The following DYNC2H1 variants were observed in gnomAD, a reference collection of about 807,000 sequenced individuals.
DYNC2H1 encodes dynein cytoplasmic 2 heavy chain 1.
A neutral mutation model predicts 570.0 loss-of-function variants in DYNC2H1; 410 were observed. The observed-to-expected ratio is 0.72, with a 90% CI of 0.66 to 0.78. The LOEUF (loss-of-function observed/expected upper bound fraction) is 0.78. Ranked by LOEUF, DYNC2H1 falls within the 30% of genes least tolerant of loss-of-function variation. DYNC2H1 has a pLI of 0.00. For synonymous variants in DYNC2H1, 1,688 were observed against 1,677.6 expected (o/e 1.01, Z -0.15); for missense variants, 4,865 against 5,046.4 (o/e 0.96, Z 1.09).
At chr11:103,428,107 C>T (rs1943737436) in intron 84 of DYNC2H1, among the ~76,000 whole-genome samples, 1 of 151,572 alleles carries the variant, frequency 6.6e-6, no homozygotes, top group Admixed American at 6.6e-5. Context: ...TAGAGTAAAA[C>T]AGCTTGCTAC....
chr11:103,274,999 C>T (rs1306227493), intron 70 of DYNC2H1, among the ~76,000 whole-genome samples: 1 of 151,980 alleles, frequency 6.6e-6, no homozygotes, highest in Non-Finnish European at 1.5e-5. Context: ...GAGGCTGAGG[C>T]GGGAGAATCA....
At chr11:103,329,839 G>C (rs1488800193) in intron 82 of DYNC2H1, among the ~76,000 whole-genome samples, 1 of 152,000 alleles carries the variant, frequency 6.6e-6, no homozygotes, top group Non-Finnish European at 1.5e-5. Flanking sequence ...TGTTTGAGTT[G>C]ATTGAAAAAA....
At position 103,352,973 on chromosome 11, in the gene DYNC2H1, A is replaced by C. The variant is rs141302829; in HGVS notation, c.12040-5270A>C. The stretch of plus-strand genomic sequence containing the variant: ...CATGGAATACTATACAGCCATAAAA[A>C]GAAATGAGATCATGTCCTTTGCAGG... On this transcript the variant is annotated intron_variant, in intron 82 of 88. Transcript: ENST00000375735. Among the ~76,000 whole-genome samples, 583 of 152,352 alleles carry C rather than the reference A, an allele frequency of 3.8e-3. 5 individuals carry two copies. The highest frequency in any genetic ancestry group is 0.013 in the African/African-American group (559 of 41,582).
Position 103,152,124 on chromosome 11 carries a change from T to TTC in DYNC2H1, c.2947-11_2947-10insCT. The stretch of plus-strand genomic sequence containing the variant: ...TTGTTATTCAATTTGTTTTTTTTTT[T>TTC]TTAACCTTTAGATTTTGCCCTTATT... On this transcript the variant is annotated splice_polypyrimidine_tract_variant and intron_variant, in intron 20 of 88. Coordinates refer to ENST00000375735, the MANE Select transcript of DYNC2H1 (RefSeq NM_001377.3). 1 of 1,586,206 alleles carries TTC rather than the reference T, an allele frequency of 6.3e-7. No individual in the cohort carries two copies. Among genetic ancestry groups the TTC allele is most frequent in the South Asian group, 1.2e-5 (1 of 84,574 alleles).
rs997603468 is a variant in DYNC2H1, at chr11:103,334,482, A to G, written c.12039+10492A>G. ...AATTTGGTTTCATTCTAACAATTCCATGTAATGAAGTTTTTTTTAATTACA... is the reference window on the plus strand; with the variant it reads ...AATTTGGTTTCATTCTAACAATTCCGTGTAATGAAGTTTTTTTTAATTACA... On this transcript the variant is annotated intron_variant, in intron 82 of 88. Transcript: ENST00000375735. This position sits in a 1 kb window ranked among gnomAD's most constrained non-coding sequence, Gnocchi z 4.3. Among the ~76,000 whole-genome samples the G allele has an allele frequency of 4.6e-5, 7 of 151,794 alleles. No homozygotes were observed. The highest frequency in any genetic ancestry group is 8.8e-5 in the Non-Finnish European group (6 of 67,982).
At chr11:103,263,648 G>T (rs536555212) in intron 70 of DYNC2H1, among the ~76,000 whole-genome samples, 1 of 152,116 alleles carries the variant, frequency 6.6e-6, no homozygotes, top group African/African-American at 2.4e-5. Context: ...AAATAAATAA[G>T]TTATTTGAAA....
In DYNC2H1 at chr11:103,453,641, T is replaced by TATATAC. The variant is rs1273661728; in HGVS notation, c.12457-1544_12457-1543insTATACA. On this transcript the variant is annotated intron_variant, in intron 85 of 88. Transcript: ENST00000375735. ...ATATATATATATATATATATATATA[T>TATATAC]ACACACATTCATTACTGGCAACAAC... Among the ~76,000 whole-genome samples, 15 of 93,220 alleles carry TATATAC rather than the reference T, an allele frequency of 1.6e-4. 1 individual carries two copies. Among genetic ancestry groups the TATATAC allele is most frequent in the African/African-American group, 5.0e-4 (13 of 26,044 alleles). The allele number at this position is 93,220 out of a possible 152,430, so 61.2% of individuals were successfully genotyped here. A position where few individuals can be genotyped will look rare whatever the true frequency, so the allele number is the denominator to read the frequency against.
intron 21 of DYNC2H1, 77 bp downstream of exon 21, chr11:103,152,362 T>A (rs1213229330): frequency 1.5e-6 from 2 of 1,354,058 alleles, no homozygotes; most frequent in African/African-American, 3.0e-5. Flanking sequence ...TTTATTCCTT[T>A]ATAGCCCAGG....
intron 47 of DYNC2H1, among the ~76,000 whole-genome samples, chr11:103,193,136 A>C (rs554567315): frequency 6.6e-6 from 1 of 152,308 alleles, no homozygotes; most frequent in South Asian, 2.1e-4. Flanking sequence ...AGAATTTTCT[A>C]GGTGCTCCTG....
At position 103,303,230 on chromosome 11, in the gene DYNC2H1, A is replaced by G; in HGVS notation, c.11233A>G (p.Arg3745Gly). The G allele has an allele frequency of 6.2e-7, 1 of 1,612,356 alleles. No individual in the cohort carries two copies. The highest frequency in any genetic ancestry group is 1.7e-5 in the Admixed American group (1 of 59,932). Reference sequence around the variant, plus strand: ...ACTTCAAGAACTAGCTAATGCTGAAAGAAGCGGAGAGTGTTATCACCAGGT... The same window carrying G: ...ACTTCAAGAACTAGCTAATGCTGAAGGAAGCGGAGAGTGTTATCACCAGGT... ...QELQELANAE[R>G]SGECYHQVAM... The change falls in exon 76 of 89, where the codon AGA (arginine) becomes GGA (glycine). Residue 3745 changes from arginine to glycine, a missense_variant. Coordinates refer to ENST00000375735, the MANE Select transcript of DYNC2H1 (RefSeq NM_001377.3).
chr11:103,342,874 C>A (rs1428936943), intron 82 of DYNC2H1, among the ~76,000 whole-genome samples: 1 of 152,074 alleles, frequency 6.6e-6, no homozygotes, highest in African/African-American at 2.4e-5. Flanking sequence ...TGGAAGGAAC[C>A]AACTCCAGAC....
rs1323429893 is a variant in DYNC2H1, at chr11:103,371,899, C to G, written c.12156+13540C>G. ...AGATCATGTTGTCAGCAAATAGGAA[C>G]AATTTGGTTTCTTCCTTTCCCATTT... On this transcript the variant is annotated intron_variant, in intron 83 of 88. Coordinates refer to ENST00000375735, the MANE Select transcript of DYNC2H1 (RefSeq NM_001377.3). 5.8e-5 allele frequency among the ~76,000 whole-genome samples: 7 copies of G among 120,852 alleles called. No homozygotes were observed. The East Asian group carries it at 1.8e-3, about 32-fold the overall frequency. 79.3% of individuals were successfully genotyped at this position (120,852 alleles called of 152,430 possible).
rs1324023747 is a variant in DYNC2H1, at chr11:103,468,674, T to C, written c.12734T>C (p.Val4245Ala). The C allele has an allele frequency of 3.1e-6, 5 of 1,613,586 alleles. No homozygotes were observed. The highest frequency in any genetic ancestry group is 4.2e-6 in the Non-Finnish European group (5 of 1,179,626). The change falls in exon 88 of 89, where the codon GTG (valine) becomes GCG (alanine). Residue 4245 changes from valine (V) to alanine (A), a missense_variant. By Grantham distance (64) the Val-to-Ala change is moderately conservative (BLOSUM62 0). Around this residue, in one of 5 missense-constraint regions of DYNC2H1, gnomAD observed 2,401 missense variants for 2,454.6 expected, o/e 0.98. Coordinates refer to ENST00000375735, the MANE Select transcript of DYNC2H1 (RefSeq NM_001377.3). ...CTTGATTCTCCCAGCGTGTCATCAG[T>C]GCTCCCTTGTTTTATGGGCTGGATT... ...NQLDSPSVSS[V>A]LPCFMGWIPQ...
At chr11:103,207,254 G>A (rs1862975662) in intron 52 of DYNC2H1, among the ~76,000 whole-genome samples, 1 of 144,116 alleles carries the variant, frequency 6.9e-6, no homozygotes, top group African/African-American at 2.6e-5. Flanking sequence ...AAAAAAGATG[G>A]GACACACTAT....
At chr11:103,162,966 T>C in intron 29 of DYNC2H1, 62 bp from the exon 30 acceptor site, 1 of 1,426,688 alleles carries the variant, frequency 7.0e-7, no homozygotes, top group Non-Finnish European at 9.6e-7. Flanking sequence ...TTATGTCTTA[T>C]ATATATTATT....
chr11:103,113,507 G>GA (rs1858214341), intron 1 of DYNC2H1, 30 bp from the exon 2 acceptor site: 2 of 1,453,610 alleles, frequency 1.4e-6, no homozygotes, highest in East Asian at 5.2e-5. Flanking sequence ...ATTTTATGAA[G>GA]ATAACATTAA....
intron 83 of DYNC2H1, among the ~76,000 whole-genome samples, chr11:103,383,113 G>A (rs1408094288): frequency 6.6e-6 from 1 of 152,210 alleles, no homozygotes; most frequent in Admixed American, 6.5e-5. Flanking sequence ...TTGAGGGGGG[G>A]ATTCTTTGGC....
At chr11:103,399,327 T>TTGG (rs55702463) in intron 83 of DYNC2H1, among the ~76,000 whole-genome samples, 1 of 136,360 alleles carries the variant, frequency 7.3e-6, no homozygotes, top group Admixed American at 7.5e-5. Flanking sequence ...TTTTTTTTTT[T>TTGG]GTATTTTTAG....
chr11:103,387,632 G>T (rs1299433688), intron 83 of DYNC2H1, among the ~76,000 whole-genome samples: 4 of 151,956 alleles, frequency 2.6e-5, no homozygotes, highest in African/African-American at 4.8e-5. Context: ...TTTATGGTTT[G>T]AGGTCAAACA....
Sources: gnomAD v4.1 joint callset for allele counts (sites outside exome capture counted in the v4.1 genomes callset) on GRCh38, gnomAD v4.1.1 for gene constraint, gnomAD v4.1.1 regional missense constraint, Gnocchi (gnomAD v3.1) non-coding constraint, MANE v1.5 for transcripts, NCBI Gene and HGNC (gene_info 2026-07-23, HGNC 2026-07-21) for gene names.